MAMDC2: variants seen among roughly 807,000 people sequenced by gnomAD.
The protein encoded by MAMDC2 is MAM domain-containing protein 2.
A neutral mutation model predicts 89.8 loss-of-function variants in MAMDC2; 57 were observed. The observed-to-expected ratio is 0.63, with a 90% CI of 0.51 to 0.79. MAMDC2 has a LOEUF of 0.79. Among genes scored for constraint, MAMDC2 ranks in the 30% least tolerant of loss-of-function variants. MAMDC2 has a pLI of 0.00. For missense variants in MAMDC2, 800 were observed against 820.6 expected (o/e 0.97, Z 0.31); for synonymous variants, 313 against 293.4 (o/e 1.07, Z -0.68).
At chr9:70,130,205 C>T (rs1221870867) in intron 6 of MAMDC2, among the ~76,000 whole-genome samples, 1 of 152,080 alleles carries the variant, frequency 6.6e-6, no homozygotes, top group African/African-American at 2.4e-5. Context: ...GTTGGCACTT[C>T]AACACAGGAA....
chr9:70,099,980 AAGAGAGAGAGAGAGAGAGAGAGAG>A (rs60292765), intron 2 of MAMDC2, among the ~76,000 whole-genome samples: 7 of 115,562 alleles, frequency 6.1e-5, no homozygotes, highest in African/African-American at 2.2e-4. Flanking sequence ...GCCAAAAAGA[AAGAGAGAGAGAGAGAGAGAGAGAG>A]AGAGAGAGAG....
intron 2 of MAMDC2, among the ~76,000 whole-genome samples, chr9:70,091,845 A>C (rs1437540648): frequency 6.6e-6 from 1 of 152,202 alleles, no homozygotes; most frequent in Non-Finnish European, 1.5e-5. Flanking sequence ...CAACTTATTG[A>C]AACCTACTGC....
chr9:70,177,242 G>A (rs899145764), intron 11 of MAMDC2, among the ~76,000 whole-genome samples: 1 of 152,036 alleles, frequency 6.6e-6, no homozygotes, highest in Non-Finnish European at 1.5e-5. Flanking sequence ...ATAAAATAAA[G>A]GTTACTTGGA....
chr9:70,194,939 T>C (rs1039928642), intron 11 of MAMDC2, among the ~76,000 whole-genome samples: 2 of 152,070 alleles, frequency 1.3e-5, no homozygotes, highest in Non-Finnish European at 2.9e-5. Context: ...GTAATTCAAG[T>C]GGTAAGTACA....
chr9:70,127,226 CAG>C (rs2030593972), intron 6 of MAMDC2, among the ~76,000 whole-genome samples: 1 of 152,106 alleles, frequency 6.6e-6, no homozygotes. Flanking sequence ...AGGAAGAAAA[CAG>C]AGTGTCCAAG....
chr9:70,181,137 G>A (rs1455366717), intron 11 of MAMDC2, among the ~76,000 whole-genome samples: 2 of 152,102 alleles, frequency 1.3e-5, no homozygotes, highest in African/African-American at 2.4e-5. Flanking sequence ...GTTTTTATCA[G>A]GTTTGTCAAA....
At chr9:70,100,771 A>T (rs1419895690) in intron 2 of MAMDC2, among the ~76,000 whole-genome samples, 1 of 152,206 alleles carries the variant, frequency 6.6e-6, no homozygotes, top group Admixed American at 6.5e-5. Context: ...AATTAAAGTG[A>T]AACGAATGAG....
At chr9:70,195,971 TA>T (rs1274073020) in intron 11 of MAMDC2, among the ~76,000 whole-genome samples, 5 of 152,132 alleles carry the variant, frequency 3.3e-5, no homozygotes, top group African/African-American at 9.7e-5. Flanking sequence ...GGATAATTTA[TA>T]AAGGAAAGGA....
Position 70,114,467 on chromosome 9 carries a change from G to A in MAMDC2, c.643+1335G>A, listed in dbSNP as rs965995103. ...GAATATTTTCTAAAATCACAGTGTG[G>A]GCCAATAAAACACACTTGCCGGTCA... On this transcript the variant is annotated intron_variant, in intron 5 of 13. Coordinates refer to ENST00000377182, the MANE Select transcript of MAMDC2 (RefSeq NM_153267.5). 6.6e-5 allele frequency among the ~76,000 whole-genome samples: 10 copies of A among 151,676 alleles called. No individual in the cohort carries two copies. The East Asian group carries it at 1.9e-3, about 29-fold the overall frequency.
chr9:70,053,667 T>C (rs1267137426), intron 2 of MAMDC2, among the ~76,000 whole-genome samples: 1 of 152,194 alleles, frequency 6.6e-6, no homozygotes, highest in African/African-American at 2.4e-5. Context: ...GAGCAATATT[T>C]GGGCAAGAGT....
intron 5 of MAMDC2, among the ~76,000 whole-genome samples, chr9:70,121,834 A>C (rs1230406929): frequency 6.6e-6 from 1 of 152,156 alleles, no homozygotes; most frequent in Non-Finnish European, 1.5e-5. Context: ...GACACTGGAC[A>C]AAATTTTCCA....
intron 11 of MAMDC2, among the ~76,000 whole-genome samples, chr9:70,177,680 A>C (rs1308587783): frequency 6.6e-6 from 1 of 152,168 alleles, no homozygotes; most frequent in Non-Finnish European, 1.5e-5. Context: ...CAGGGCCAGC[A>C]CTTACTGGTG....
At chr9:70,210,588 A>G (rs1259303285) in intron 11 of MAMDC2, among the ~76,000 whole-genome samples, 3 of 152,124 alleles carry the variant, frequency 2.0e-5, no homozygotes, top group African/African-American at 7.2e-5. Context: ...TCTTTATCCA[A>G]GTTGCCAGTC....
intron 11 of MAMDC2, among the ~76,000 whole-genome samples, chr9:70,190,415 C>G (rs1442956696): frequency 6.6e-6 from 1 of 152,136 alleles, no homozygotes; most frequent in Non-Finnish European, 1.5e-5. Flanking sequence ...CAACAGATCC[C>G]CCAGAACACA....
rs750005412 is a variant in MAMDC2 at position 70,143,787 on chromosome 9, GA to G, written c.1375del (p.Ile459SerfsTer14). The G allele has an allele frequency of 2.5e-6, 4 of 1,614,156 alleles. No individual in the cohort carries two copies. The highest frequency in any genetic ancestry group is 3.4e-6 in the Non-Finnish European group (4 of 1,180,000). The stretch of plus-strand genomic sequence containing the variant: ...CCCAAGGGGTGTTTGGATGCAAGCT[GA>G]AATCACCTTTAAGAAGCCCATGCCT... ...ESPRGVWMQAEITFKKPMPTK... is the reference protein window; with the variant it reads ...ESPRGVWMQAXITFKKPMPTK... On this transcript the variant is annotated frameshift_variant, in exon 9 of 14. Coordinates refer to ENST00000377182, the MANE Select transcript of MAMDC2 (RefSeq NM_153267.5). LOFTEE classifies it high-confidence loss of function.
intron 9 of MAMDC2, among the ~76,000 whole-genome samples, chr9:70,146,490 T>A (rs187212553): frequency 2.5e-4 from 38 of 152,330 alleles, no homozygotes; most frequent in Non-Finnish European, 3.4e-4. Flanking sequence ...ACATCCATCA[T>A]AGAAGCATGC....
At chr9:70,198,129 T>G (rs904122291) in intron 11 of MAMDC2, among the ~76,000 whole-genome samples, 3 of 149,900 alleles carry the variant, frequency 2.0e-5, no homozygotes, top group Non-Finnish European at 4.4e-5. Flanking sequence ...TATAAGTACA[T>G]AGTATAGAAA....
At chr9:70,190,540 C>T (rs1054882527) in intron 11 of MAMDC2, among the ~76,000 whole-genome samples, 2 of 145,782 alleles carry the variant, frequency 1.4e-5, no homozygotes, top group Admixed American at 7.2e-5. Context: ...CCAGAGGTGA[C>T]AGATTAGGAG....
At chr9:70,112,125 C>T (rs975218937) in intron 4 of MAMDC2, among the ~76,000 whole-genome samples, 3 of 152,166 alleles carry the variant, frequency 2.0e-5, no homozygotes, top group Admixed American at 1.3e-4. Context: ...CAGGACCTAT[C>T]AGGTGGAGAA....
Sources: gnomAD v4.1 joint callset for allele counts (sites outside exome capture counted in the v4.1 genomes callset) on GRCh38, gnomAD v4.1.1 for gene constraint, MANE v1.5 for transcripts, NCBI Gene and HGNC (gene_info 2026-07-23, HGNC 2026-07-21) for gene names.